The following CLVS1 variants were observed in gnomAD, a reference collection of about 807,000 sequenced individuals.
The protein encoded by CLVS1 is clavesin-1.
A neutral mutation model predicts 33.1 loss-of-function variants in CLVS1; 10 were observed. The observed-to-expected ratio is 0.30, with a 90% CI of 0.19 to 0.51. CLVS1 has a LOEUF of 0.51. Among genes scored for constraint, CLVS1 ranks in the 20% least tolerant of loss-of-function variants. CLVS1 has a pLI of 0.97. For synonymous variants in CLVS1, 163 were observed against 166.1 expected (o/e 0.98, Z 0.14); for missense variants, 343 against 433.4 (o/e 0.79, Z 1.85).
At position 61,058,137 on chromosome 8, in the gene CLVS1, T is replaced by A. The variant is rs910061625; in HGVS notation, c.-243+907T>A. Among the ~76,000 whole-genome samples the A allele has an allele frequency of 2.6e-5, 4 of 152,322 alleles. No homozygotes were observed. In the South Asian group the frequency reaches 8.3e-4, roughly 32 times the overall value. ...TAGAAACTTGTTCAGCAGGCTGAAC[T>A]GTAGTGGGGCATCCTGCTGGTGAGC... On this transcript the variant is annotated intron_variant, in intron 1 of 2. Coordinates refer to the CLVS1 transcript ENST00000522621.
chr8:61,394,447 C>T (rs1814437195), intron 3 of CLVS1, among the ~76,000 whole-genome samples: 1 of 152,040 alleles, frequency 6.6e-6, no homozygotes, highest in Non-Finnish European at 1.5e-5. Context: ...GAAAAACCAT[C>T]AGGTCGGGGC....
intron 2 of CLVS1, among the ~76,000 whole-genome samples, chr8:61,338,178 A>G (rs998913976): frequency 6.6e-6 from 1 of 152,194 alleles, no homozygotes; most frequent in African/African-American, 2.4e-5. Context: ...AATGCCAGAC[A>G]CAGAGCCTCC....
chr8:61,067,782 T>C (rs1185495911), intron 1 of CLVS1, among the ~76,000 whole-genome samples: 2 of 151,628 alleles, frequency 1.3e-5, no homozygotes, highest in African/African-American at 2.4e-5. Context: ...TGGGTACTTA[T>C]AGACATAAAG....
chr8:61,123,692 T>C (rs1805919245), intron 1 of CLVS1, among the ~76,000 whole-genome samples: 1 of 152,206 alleles, frequency 6.6e-6, no homozygotes, highest in African/African-American at 2.4e-5. Flanking sequence ...TTGTGGAGTT[T>C]TGTACATTTC....
chr8:61,075,032 T>C (rs1804883984), intron 1 of CLVS1, among the ~76,000 whole-genome samples: 1 of 152,120 alleles, frequency 6.6e-6, no homozygotes, highest in Non-Finnish European at 1.5e-5. Context: ...CAGGCGGGCA[T>C]ACACAGTTTC....
chr8:61,069,257 C>T (rs755905284), intron 1 of CLVS1, among the ~76,000 whole-genome samples: 1 of 152,154 alleles, frequency 6.6e-6, no homozygotes, highest in Non-Finnish European at 1.5e-5. Flanking sequence ...CATGAGCCAC[C>T]GCGCCCAGCC....
chr8:61,482,014 T>A (rs1818213774), intron 5 of CLVS1, among the ~76,000 whole-genome samples: 1 of 152,106 alleles, frequency 6.6e-6, no homozygotes, highest in Non-Finnish European at 1.5e-5. Context: ...AGAGGAAGGA[T>A]CAGGCAGCAA....
the CLVS1 span, among the ~76,000 whole-genome samples, chr8:61,021,817 C>G: frequency 6.6e-6 from 1 of 152,018 alleles, no homozygotes; most frequent in Non-Finnish European, 1.5e-5. Flanking sequence ...ATGAATAACC[C>G]TGTCACCCAA....
chr8:61,361,978 C>A (rs985173601), intron 2 of CLVS1, among the ~76,000 whole-genome samples: 5 of 152,092 alleles, frequency 3.3e-5, no homozygotes, highest in African/African-American at 1.2e-4. Context: ...TGAAAAATTA[C>A]TAGGAGAAAC....
chr8:61,078,722 G>T (rs563023210), intron 1 of CLVS1, among the ~76,000 whole-genome samples: 3 of 152,216 alleles, frequency 2.0e-5, no homozygotes, highest in African/African-American at 7.2e-5. Flanking sequence ...AAGCCTCAAG[G>T]CTTTCTTCTG....
intron 2 of CLVS1, among the ~76,000 whole-genome samples, chr8:61,268,012 C>A (rs1045088248): frequency 1.3e-5 from 2 of 150,368 alleles, no homozygotes; most frequent in African/African-American, 4.9e-5. Flanking sequence ...ATATAAAAGT[C>A]TTTTTTTTTT....
chr8:61,321,804 T>C (rs2129596332), intron 2 of CLVS1, among the ~76,000 whole-genome samples: 1 of 152,316 alleles, frequency 6.6e-6, no homozygotes, highest in South Asian at 2.1e-4. Flanking sequence ...AGAAATCTAC[T>C]TTAGAGGGAG....
intron 2 of CLVS1, among the ~76,000 whole-genome samples, chr8:61,319,756 G>C (rs952394903): frequency 6.6e-6 from 1 of 152,092 alleles, no homozygotes; most frequent in Non-Finnish European, 1.5e-5. Flanking sequence ...TATGGCATTA[G>C]CTTATGCTGC....
At position 61,108,235 on chromosome 8, in the gene CLVS1, C is replaced by G. The variant is rs145412905; in HGVS notation, c.-242-23535C>G. Among the ~76,000 whole-genome samples, 241 of 143,608 alleles carry G rather than the reference C, an allele frequency of 1.7e-3. 5 individuals carry two copies. The East Asian group carries it at 0.041, about 24-fold the overall frequency. The allele number at this position is 143,608 out of a possible 152,430, so 94.2% of individuals were successfully genotyped here. On this transcript the variant is annotated intron_variant, in intron 1 of 2. Coordinates refer to the CLVS1 transcript ENST00000522621. Reference sequence around the variant, plus strand: ...TCCGTCTCAAAAAAAAAAAAAAAAACCATAAAAAAAAAATCTCTGCCCTCA... The same window carrying G: ...TCCGTCTCAAAAAAAAAAAAAAAAAGCATAAAAAAAAAATCTCTGCCCTCA...
At chr8:61,005,517 A>T in the CLVS1 span, among the ~76,000 whole-genome samples, 1 of 152,110 alleles carries the variant, frequency 6.6e-6, no homozygotes, top group Non-Finnish European at 1.5e-5. Context: ...AAGCCCCCAC[A>T]TGGACGCCTG....
rs918399276 is a variant in CLVS1, at chr8:61,121,240, G to A, written c.-242-10530G>A. On this transcript the variant is annotated intron_variant, in intron 1 of 2. Transcript: ENST00000522621. ...CCTCGCCCTGCTTCGGCTCGCTCAC[G>A]GTGCGCGCACCCACTGACCTGCACC... is the stretch of plus-strand genomic sequence containing the variant. Among the ~76,000 whole-genome samples the A allele has an allele frequency of 1.9e-4, 29 of 152,058 alleles. 1 individual carries two copies. Among genetic ancestry groups the A allele is most frequent in the African/African-American group, 6.3e-4 (26 of 41,470 alleles).
At chr8:61,442,148 A>C (rs1816575494) in intron 3 of CLVS1, among the ~76,000 whole-genome samples, 1 of 152,192 alleles carries the variant, frequency 6.6e-6, no homozygotes, top group Non-Finnish European at 1.5e-5. Flanking sequence ...CATCATTTCA[A>C]TAATGATTTC....
chr8:61,414,418 T>C (rs553730959), intron 3 of CLVS1, among the ~76,000 whole-genome samples: 38 of 151,794 alleles, frequency 2.5e-4, no homozygotes, highest in African/African-American at 8.7e-4. Flanking sequence ...TTTTTTTTTT[T>C]CATATTTTTC....
Position 61,120,631 on chromosome 8 carries a change from C to T in CLVS1, c.-242-11139C>T, listed in dbSNP as rs1318451773. Among the ~76,000 whole-genome samples the T allele has an allele frequency of 1.4e-3, 177 of 128,738 alleles. 2 individuals carry two copies. The highest frequency in any genetic ancestry group is 2.2e-3 in the African/African-American group (69 of 31,088). 84.5% of individuals were successfully genotyped at this position (128,738 alleles called of 152,430 possible). Reference sequence around the variant, plus strand: ...CTGCAGGTCTGTTGGAATACCCTGCCGTGTGAGGTGTCAGTCTGCCCCTGC... The same window carrying T: ...CTGCAGGTCTGTTGGAATACCCTGCTGTGTGAGGTGTCAGTCTGCCCCTGC... On this transcript the variant is annotated intron_variant, in intron 1 of 2. Coordinates refer to the CLVS1 transcript ENST00000522621.
Sources: gnomAD v4.1 joint callset for allele counts (sites outside exome capture counted in the v4.1 genomes callset) on GRCh38, gnomAD v4.1.1 for gene constraint, MANE v1.5 for transcripts, NCBI Gene and HGNC (gene_info 2026-07-23, HGNC 2026-07-21) for gene names.